SCN2A: variants seen among roughly 807,000 people sequenced by gnomAD.
The protein encoded by SCN2A is sodium voltage-gated channel alpha subunit 2.
Under a neutral mutation model 188.7 loss-of-function variants are expected in SCN2A, and 20 were observed. That is an observed-to-expected ratio of 0.11 (90% CI 0.07 to 0.15). SCN2A has a LOEUF of 0.15. SCN2A is among the 10% of genes least tolerant of loss of function. The pLI is 1.00. For missense variants in SCN2A, 1,278 were observed against 2,445.0 expected, an observed-to-expected ratio of 0.52 and a Z score of 10.07; for synonymous variants, 804 against 833.1, an observed-to-expected ratio of 0.97 and a Z score of 0.60.
Position 165,367,733 on chromosome 2 carries a change from G to A in SCN2A, c.3675+362G>A, listed in dbSNP as rs544120593. The stretch of plus-strand genomic sequence containing the variant: ...ATATTTCCCTGACCCCTTTGCAGGT[G>A]AGAACTAGAGTGCATGGGTGCCGGT... On this transcript the variant is annotated intron_variant, in intron 19 of 26. Coordinates refer to ENST00000375437, the MANE Select transcript of SCN2A (RefSeq NM_001040142.2). 7.2e-5 allele frequency among the ~76,000 whole-genome samples: 11 copies of A among 152,340 alleles called. No homozygotes were observed. The South Asian group carries it at 2.3e-3, about 32-fold the overall frequency.
At chr2:165,353,785 AAACAC>A (rs553483127) in intron 16 of SCN2A, among the ~76,000 whole-genome samples, 1 of 152,290 alleles carries the variant, frequency 6.6e-6, no homozygotes, top group African/African-American at 2.4e-5. Context: ...CCCATCATCC[AAACAC>A]CTACCACCAG....
intron 1 of SCN2A, among the ~76,000 whole-genome samples, chr2:165,255,826 C>A (rs1031529189): frequency 1.3e-5 from 2 of 151,854 alleles, no homozygotes; most frequent in Non-Finnish European, 2.9e-5. Flanking sequence ...ATATTTTGTT[C>A]TTTTATCCTC....
chr2:165,249,797 A>C (rs1694008540), intron 1 of SCN2A, among the ~76,000 whole-genome samples: 1 of 152,066 alleles, frequency 6.6e-6, no homozygotes. Flanking sequence ...TGATTTATAG[A>C]AAGTCTTATC....
At chr2:165,245,272 C>A (rs1319831135) in intron 1 of SCN2A, 1 of 152,122 alleles carries the variant, frequency 6.6e-6, no homozygotes, top group African/African-American at 2.4e-5. Flanking sequence ...GGGGTGGTTA[C>A]CCTCCTGCTG....
intron 20 of SCN2A, chr2:165,371,892 G>A (rs915635720): frequency 6.6e-6 from 1 of 152,148 alleles, no homozygotes; most frequent in African/African-American, 2.4e-5. Context: ...TTGCTGCAAT[G>A]TCCCAGAAAG....
chr2:165,324,361 A>G (rs1050079016), intron 12 of SCN2A, among the ~76,000 whole-genome samples: 4 of 152,140 alleles, frequency 2.6e-5, no homozygotes, highest in African/African-American at 4.8e-5. Context: ...ATTTATTATC[A>G]TTGAACAAGC....
At chr2:165,278,317 G>A (rs1695433294) in intron 1 of SCN2A, among the ~76,000 whole-genome samples, 1 of 152,142 alleles carries the variant, frequency 6.6e-6, no homozygotes. Context: ...AGGTTTAATT[G>A]ATTCTAAGTT....
At chr2:165,342,770 C>G (rs1356328938) in intron 15 of SCN2A, among the ~76,000 whole-genome samples, 1 of 152,224 alleles carries the variant, frequency 6.6e-6, no homozygotes, top group Non-Finnish European at 1.5e-5. Context: ...AGTCAACTCT[C>G]AGTTATCTGA....
chr2:165,281,792 G>C (rs1460712760), intron 1 of SCN2A, among the ~76,000 whole-genome samples: 1 of 152,152 alleles, frequency 6.6e-6, no homozygotes, highest in African/African-American at 2.4e-5. Flanking sequence ...GCCACACAAG[G>C]CTCCATGCTA....
intron 11 of SCN2A, among the ~76,000 whole-genome samples, chr2:165,316,706 A>AGG (rs1697769140): frequency 6.6e-6 from 1 of 152,214 alleles, no homozygotes; most frequent in African/African-American, 2.4e-5. Flanking sequence ...GAAGAGAAGC[A>AGG]GGGGGCTGCA....
Position 165,391,737 on chromosome 2 carries a change from A to G in SCN2A, c.*1913A>G. 6.6e-6 allele frequency: 1 copy of G among 152,470 alleles called. No individual in the cohort carries two copies. Among genetic ancestry groups the G allele is most frequent in the East Asian group, 1.9e-4 (1 of 5,194 alleles). The allele number at this position is 152,470 out of a possible 1,614,324, so 9.4% of individuals were successfully genotyped here. A position where few individuals can be genotyped will look rare whatever the true frequency, so the allele number is the denominator to read the frequency against. ...CACCTAGTCTTTTTATTCAGTAATC[A>G]TCAGTCTTTTCCAATGTTTGTTTAC... On this transcript the variant is annotated 3_prime_UTR_variant, in exon 27 of 27. Coordinates refer to ENST00000375437, the MANE Select transcript of SCN2A (RefSeq NM_001040142.2).
intron 14 of SCN2A, among the ~76,000 whole-genome samples, chr2:165,339,289 T>C (rs1269053669): frequency 6.6e-6 from 1 of 151,502 alleles, no homozygotes; most frequent in Non-Finnish European, 1.5e-5. Context: ...ATCAGTGAAA[T>C]GTTGAGGTAG....
chr2:165,332,329 A>G (rs1019000597), intron 14 of SCN2A, among the ~76,000 whole-genome samples: 2 of 152,086 alleles, frequency 1.3e-5, no homozygotes, highest in Non-Finnish European at 2.9e-5. Flanking sequence ...AGTAACCACT[A>G]TATTTTCGAA....
chr2:165,302,705 T>G (rs1574540274), intron 3 of SCN2A, among the ~76,000 whole-genome samples: 1 of 152,154 alleles, frequency 6.6e-6, no homozygotes, highest in Non-Finnish European at 1.5e-5. Context: ...ACATGGCTGG[T>G]AAGGGATGTA....
chr2:165,306,111 G>T (rs1212792907), intron 3 of SCN2A, among the ~76,000 whole-genome samples: 2 of 152,176 alleles, frequency 1.3e-5, no homozygotes, highest in Non-Finnish European at 2.9e-5. Flanking sequence ...TGTTGATTTG[G>T]GGGTGGGAAG....
chr2:165,244,397 GC>G (rs1693754703), intron 1 of SCN2A, among the ~76,000 whole-genome samples: 1 of 152,074 alleles, frequency 6.6e-6, no homozygotes, highest in South Asian at 2.1e-4. Context: ...AGTGGATTTT[GC>G]AAATCAGAAG....
intron 20 of SCN2A, 98 bp from the exon 21 acceptor site, chr2:165,373,127 A>G: frequency 1.5e-6 from 2 of 1,348,710 alleles, no homozygotes; most frequent in South Asian, 1.2e-5. Context: ...GAAACTCATG[A>G]AAGTTCGAGA....
chr2:165,321,273 T>C (rs1053734317), intron 11 of SCN2A, among the ~76,000 whole-genome samples: 11 of 152,214 alleles, frequency 7.2e-5, no homozygotes, highest in African/African-American at 2.7e-4. Context: ...TTATTGTCCA[T>C]ATTGCCATCA....
chr2:165,309,538 C>G (rs1313321331), intron 6 of SCN2A, 95 bp downstream of exon 6: 2 of 1,420,990 alleles, frequency 1.4e-6, no homozygotes, highest in Admixed American at 3.7e-5. Flanking sequence ...TTGCATATTG[C>G]AAATAAATAT....
Sources: gnomAD v4.1 joint callset for allele counts (sites outside exome capture counted in the v4.1 genomes callset) on GRCh38, gnomAD v4.1.1 for gene constraint, MANE v1.5 for transcripts, NCBI Gene and HGNC (gene_info 2026-07-23, HGNC 2026-07-21) for gene names.